Variants in CDH1 observed in about 807,000 individuals in gnomAD.
The protein encoded by CDH1 is cadherin 1.
In CDH1, 35 loss-of-function variants were observed where a neutral mutation model predicts 84.5. The observed-to-expected ratio is 0.41, with a 90% confidence interval of 0.32 to 0.55. CDH1 has a LOEUF of 0.55. CDH1 is among the 20% of genes least tolerant of loss of function. CDH1 has a pLI of 0.19. For synonymous variants in CDH1, 417 were observed against 439.0 expected, an observed-to-expected ratio of 0.95 and a Z score of 0.63; for missense variants, 994 against 1,126.6, an observed-to-expected ratio of 0.88 and a Z score of 1.68.
intron 11 of CDH1, among the ~76,000 whole-genome samples, chr16:68,820,923 G>A (rs1445576972): frequency 6.6e-6 from 1 of 152,110 alleles, no homozygotes; most frequent in Non-Finnish European, 1.5e-5. Flanking sequence ...ACAGGCATGA[G>A]TTATCATGCT....
intron 2 of CDH1, among the ~76,000 whole-genome samples, chr16:68,755,888 G>A (rs898039354): frequency 2.6e-5 from 4 of 151,054 alleles, no homozygotes; most frequent in South Asian, 4.2e-4. Flanking sequence ...CTCAGCCTCC[G>A]GTGTAGCTGG....
intron 12 of CDH1, chr16:68,823,051 C>T (rs925485902): frequency 3.4e-5 from 10 of 294,810 alleles, no homozygotes; most frequent in Admixed American, 2.7e-4. Flanking sequence ...ACAGGCCAGC[C>T]GGCCTCCAGG....
At chr16:68,745,549 A>AAATAT (rs1555510453) in intron 2 of CDH1, among the ~76,000 whole-genome samples, 2 of 75,182 alleles carry the variant, frequency 2.7e-5, no homozygotes, top group African/African-American at 1.1e-4. Flanking sequence ...AAAAAAAAAA[A>AAATAT]ATATATATAT....
intron 2 of CDH1, among the ~76,000 whole-genome samples, chr16:68,772,957 G>A (rs1439251942): frequency 6.6e-6 from 1 of 152,098 alleles, no homozygotes; most frequent in Non-Finnish European, 1.5e-5. Context: ...AAAACCACCA[G>A]GCTTATGGGA....
rs929343982 is a variant in CDH1, at chr16:68,812,173, C to T, written c.1047C>T (p.Asp349=). Reference sequence around the variant, plus strand: ...ATACCCTGGTGGTTCAAGCTGCTGACCTTCAAGGTGAGGGGTTAAGCACAA... The same window carrying T: ...ATACCCTGGTGGTTCAAGCTGCTGATCTTCAAGGTGAGGGGTTAAGCACAA... ...PTYTLVVQAA[D]LQGEGLSTTA... is the part of the protein sequence containing the mutation. Residue 349 remains aspartate (D), a synonymous_variant, in exon 8 of 16, where the codon GAC becomes GAT. Coordinates refer to ENST00000261769, the MANE Select transcript of CDH1 (RefSeq NM_004360.5). 9 of 1,614,170 alleles carry T rather than the reference C, an allele frequency of 5.6e-6. No individual in the cohort carries two copies. Among genetic ancestry groups the T allele is most frequent in the East Asian group, 2.2e-5 (1 of 44,886 alleles).
At chr16:68,763,207 G>A (rs569249908) in intron 2 of CDH1, 12 of 152,220 alleles carry the variant, frequency 7.9e-5, no homozygotes, top group Non-Finnish European at 1.6e-4. Context: ...ACTCTTGGCT[G>A]TTGAGCCAAC....
chr16:68,772,663 G>A (rs780584018), intron 2 of CDH1, among the ~76,000 whole-genome samples: 9 of 152,116 alleles, frequency 5.9e-5, no homozygotes, highest in Non-Finnish European at 8.8e-5. Context: ...GGCTGGGCAC[G>A]GTGGCTCAAG....
intron 3 of CDH1, among the ~76,000 whole-genome samples, chr16:68,805,005 T>C (rs924922981): frequency 7.1e-6 from 1 of 140,402 alleles, no homozygotes; most frequent in African/African-American, 2.6e-5. Flanking sequence ...AATTTTTTTT[T>C]TTTTTTTTTT....
intron 10 of CDH1, among the ~76,000 whole-genome samples, chr16:68,818,836 C>G (rs1961055906): frequency 8.7e-6 from 1 of 114,530 alleles, no homozygotes; most frequent in South Asian, 2.8e-4. Context: ...GGCTACAGAG[C>G]AAGACTCCGT....
At chr16:68,794,625 C>A (rs1024567394) in intron 2 of CDH1, among the ~76,000 whole-genome samples, 1 of 151,792 alleles carries the variant, frequency 6.6e-6, no homozygotes, top group African/African-American at 2.4e-5. Flanking sequence ...GCTCAAGCAA[C>A]CCTTCTGCCT....
At chr16:68,809,256 A>G (rs921713420) in intron 5 of CDH1, among the ~76,000 whole-genome samples, 1 of 136,042 alleles carries the variant, frequency 7.4e-6, no homozygotes, top group Non-Finnish European at 1.5e-5. Flanking sequence ...ATAGGGTTTC[A>G]CTCTGTCACC....
At chr16:68,770,692 G>A (rs1234228596) in intron 2 of CDH1, among the ~76,000 whole-genome samples, 2 of 151,332 alleles carry the variant, frequency 1.3e-5, no homozygotes, top group Non-Finnish European at 2.9e-5. Context: ...TAGAAAGGAG[G>A]ACACCATGAA....
intron 8 of CDH1, 64 bp from the exon 9 acceptor site, chr16:68,813,249 C>T (rs1960887070): frequency 1.3e-6 from 2 of 1,513,010 alleles, no homozygotes; most frequent in Non-Finnish European, 1.8e-6. Flanking sequence ...CCTTTAGCCC[C>T]CTGAGACTCA....
intron 2 of CDH1, 50 bp downstream of exon 2, chr16:68,738,461 AG>A (rs1415802189): frequency 1.5e-6 from 2 of 1,341,662 alleles, no homozygotes; most frequent in African/African-American, 2.9e-5. Flanking sequence ...GGGGTTGGAA[AG>A]GGGCCGAGAA....
intron 3 of CDH1, among the ~76,000 whole-genome samples, chr16:68,807,690 A>G (rs756682930): frequency 1.3e-5 from 2 of 152,026 alleles, no homozygotes; most frequent in Non-Finnish European, 2.9e-5. Context: ...CCCTGTCTCT[A>G]TTTAAAAAAA....
At chr16:68,781,448 A>C (rs897253360) in intron 2 of CDH1, among the ~76,000 whole-genome samples, 1 of 151,514 alleles carries the variant, frequency 6.6e-6, no homozygotes, top group African/African-American at 2.4e-5. Flanking sequence ...CAAGCAATTA[A>C]CTCCACCTCA....
chr16:68,812,221 C>A lies in CDH1; in HGVS notation c.1095C>A (p.Val365=). ...CAACAGCAACAGCTGTGATCACAGT[C>A]ACTGACACCAACGATAATCCTCCGA... is the stretch of plus-strand genomic sequence containing the variant. ...LSTTATAVIT[V]TDTNDNPPIF... Residue 365 remains valine (V), a synonymous_variant, in exon 8 of 16, where the codon GTC becomes GTA. Transcript: ENST00000261769. 6.2e-7 allele frequency: 1 copy of A among 1,614,124 alleles called. No individual in the cohort carries two copies. Among genetic ancestry groups the A allele is most frequent in the South Asian group, 1.1e-5 (1 of 91,066 alleles).
Position 68,801,683 on chromosome 16 carries a change from T to G in CDH1, c.177T>G (p.Asp59Glu), listed in dbSNP as rs587780116. 16 of 1,613,910 alleles carry G rather than the reference T, an allele frequency of 9.9e-6. No homozygotes were observed. Among genetic ancestry groups the G allele is most frequent in the Non-Finnish European group, 1.3e-5 (15 of 1,179,794 alleles). ...TCTGCCCTGCAGTGAATTTTGAAGA[T>G]TGCACCGGTCGACAAAGGACAGCCT... Reference protein sequence around the residue: ...GRVLGRVNFEDCTGRQRTAYF... With the variant: ...GRVLGRVNFEECTGRQRTAYF... The change falls in exon 3 of 16, where the codon GAT becomes GAG. Residue 59 changes from aspartate (D) to glutamate (E), a missense_variant. By Grantham distance (45) the Asp-to-Glu change is conservative. Around this residue, in one of 3 missense-constraint regions of CDH1, gnomAD observed 203 missense variants for 194.0 expected, o/e 1.05. Transcript: ENST00000261769.
At chr16:68,777,997 G>A (rs933796953) in intron 2 of CDH1, among the ~76,000 whole-genome samples, 2 of 151,842 alleles carry the variant, frequency 1.3e-5, no homozygotes, top group East Asian at 3.9e-4. Flanking sequence ...CTTCCAAAGT[G>A]CTAGGATTAC....
Sources: allele counts gnomAD v4.1 joint callset (sites outside exome capture counted in the v4.1 genomes callset), GRCh38; gene constraint gnomAD v4.1.1; regional missense constraint gnomAD v4.1.1; transcripts MANE v1.5; gene names NCBI Gene and HGNC (gene_info 2026-07-23, HGNC 2026-07-21).